Variants in TUBGCP3 observed in about 807,000 individuals in gnomAD.
TUBGCP3 encodes the protein tubulin gamma complex component 3, also known as gamma-tubulin complex component 3.
TUBGCP3 carries 50 observed loss-of-function variants against 123.1 expected under a neutral mutation model. The observed-to-expected ratio is 0.41, with a 90% confidence interval of 0.32 to 0.51. The LOEUF is 0.51. Ranked by LOEUF, TUBGCP3 falls within the 20% of genes least tolerant of loss-of-function variation. The pLI, the probability that TUBGCP3 is intolerant of heterozygous loss-of-function variation, is 0.36. For missense variants in TUBGCP3, 882 were observed against 1,127.0 expected, an observed-to-expected ratio of 0.78 and a Z score of 3.11; for synonymous variants, 405 against 413.9, an observed-to-expected ratio of 0.98 and a Z score of 0.26.
In TUBGCP3 at chr13:112,556,234, G is replaced by A. The variant is rs752650160; in HGVS notation, c.549-10C>T. On this transcript the variant is annotated splice_polypyrimidine_tract_variant and intron_variant, in intron 5 of 21. Coordinates refer to ENST00000261965, the MANE Select transcript of TUBGCP3 (RefSeq NM_006322.6). ...AGCTTGATTAGACTGTCTAAAAAAA[G>A]AAACATGTATTATCTTCTAATAGGC... 1 of 1,608,470 alleles carries A rather than the reference G, an allele frequency of 6.2e-7. No homozygotes were observed. Among genetic ancestry groups the A allele is most frequent in the South Asian group, 1.1e-5 (1 of 90,970 alleles).
upstream of TUBGCP3, among the ~76,000 whole-genome samples, chr13:112,588,689 A>G (rs1222270731): frequency 6.6e-6 from 1 of 152,176 alleles, no homozygotes; most frequent in African/African-American, 2.4e-5. Context: ...CTGCCGAGAA[A>G]AAGATCGATA....
In TUBGCP3 at chr13:112,587,950, C is replaced by T. The variant is rs761539018; in HGVS notation, c.31G>A (p.Val11Ile). The T allele has an allele frequency of 1.3e-6, 2 of 1,593,402 alleles. No homozygotes were observed. Among genetic ancestry groups the T allele is most frequent in the African/African-American group, 2.8e-5 (2 of 72,540 alleles). ...CTGCAGCACAGGTTCTGCAGCAGAA[C>T]GTTCGGCGACTTCTGGTCCGGGGTC... MATPDQKSPN[V>I]LLQNLCCRIL... Residue 11 changes from valine to isoleucine, a missense_variant, in exon 1 of 22, where the codon GTT becomes ATT. By Grantham distance (29) the Val-to-Ile change is conservative. This residue lies in a region of TUBGCP3 where 713 missense variants were observed against 874.0 expected (regional missense o/e 0.82). Coordinates refer to ENST00000261965, the MANE Select transcript of TUBGCP3 (RefSeq NM_006322.6).
At chr13:112,521,124 C>G (rs1876582083) in intron 14 of TUBGCP3, among the ~76,000 whole-genome samples, 1 of 152,192 alleles carries the variant, frequency 6.6e-6, no homozygotes, top group Non-Finnish European at 1.5e-5. Flanking sequence ...ACCAACTGAC[C>G]CACATACACA....
chr13:112,528,202 C>G (rs1877290299), intron 11 of TUBGCP3, among the ~76,000 whole-genome samples: 1 of 152,240 alleles, frequency 6.6e-6, no homozygotes, highest in Non-Finnish European at 1.5e-5. Context: ...TTTGCCACTA[C>G]AACAATGCAG....
intron 21 of TUBGCP3, among the ~76,000 whole-genome samples, chr13:112,488,432 G>A (rs1440938893): frequency 1.3e-5 from 2 of 152,190 alleles, no homozygotes; most frequent in South Asian, 2.1e-4. Flanking sequence ...CAGAGCAGCC[G>A]TCCCCAGCCT....
chr13:112,595,911 A>T, the TUBGCP3 span, among the ~76,000 whole-genome samples: 9 of 151,744 alleles, frequency 5.9e-5, no homozygotes, highest in African/African-American at 2.2e-4. Context: ...TATTTGAACA[A>T]TTTTTTTTAG....
At position 112,540,388 on chromosome 13, in the gene TUBGCP3, T is replaced by A. The variant is rs866014410; in HGVS notation, c.1335+5311A>T. Among the ~76,000 whole-genome samples, 217 of 136,896 alleles carry A rather than the reference T, an allele frequency of 1.6e-3. 1 individual carries two copies. The Middle Eastern group carries it at 0.025, about 16-fold the overall frequency. 89.8% of individuals were successfully genotyped at this position (136,896 alleles called of 152,430 possible). ...CTTGGGAAAGGATACCTGGGAGTGA[T>A]GACGTCAATGTAGTAGCCTATGAGC... On this transcript the variant is annotated intron_variant, in intron 11 of 21. Coordinates refer to ENST00000261965, the MANE Select transcript of TUBGCP3 (RefSeq NM_006322.6).
rs1362854669 is a variant in TUBGCP3 at position 112,486,002 on chromosome 13, G to C, written c.2715C>G (p.Ser905=). The change falls in exon 22 of 22, where the codon TCC becomes TCG. Residue 905 remains serine (S), a synonymous_variant. Coordinates refer to ENST00000261965, the MANE Select transcript of TUBGCP3 (RefSeq NM_006322.6). ...VSLGTRGRRS[S]HT ...GGGAGGACCGCGAGCTTCACGTGTG[G>C]GAGCTGCGCCGCCCCCTGGTACCCA... 1 of 1,599,566 alleles carries C rather than the reference G, an allele frequency of 6.3e-7. No individual in the cohort carries two copies. Among genetic ancestry groups the C allele is most frequent in the Admixed American group, 1.7e-5 (1 of 59,208 alleles).
Position 112,519,911 on chromosome 13 carries a change from C to T in TUBGCP3, c.1856G>A (p.Arg619Gln), listed in dbSNP as rs767141672. Reference sequence around the variant, plus strand: ...CTCCAGCAGCCGCACGTCCAGCCTTCGCAGGATCTCAGGACTGTCAAACTG... The same window carrying T: ...CTCCAGCAGCCGCACGTCCAGCCTTTGCAGGATCTCAGGACTGTCAAACTG... Reference protein sequence around the residue: ...NAQFDSPEILRRLDVRLLEVS... With the variant: ...NAQFDSPEILQRLDVRLLEVS... The change falls in exon 15 of 22, where the codon CGA becomes CAA. Residue 619 changes from arginine to glutamine, a missense_variant. By Grantham distance (43) the Arg-to-Gln change is conservative. Around this residue, in one of 3 missense-constraint regions of TUBGCP3, gnomAD observed 713 missense variants for 874.0 expected, o/e 0.82. Transcript: ENST00000261965. The surrounding 1 kb of genome is among the most constrained non-coding windows in gnomAD (Gnocchi z 6.2). 6.2e-6 allele frequency: 10 copies of T among 1,613,838 alleles called. No individual in the cohort carries two copies. Among genetic ancestry groups the T allele is most frequent in the South Asian group, 3.3e-5 (3 of 91,056 alleles).
At chr13:112,509,457 A>G (rs75830868) in intron 17 of TUBGCP3, among the ~76,000 whole-genome samples, 12,706 of 152,210 alleles carry the variant, frequency 0.083, 1,364 homozygotes, top group African/African-American at 0.24. Context: ...CCAGATCTTG[A>G]GTACTCAAAC....
At chr13:112,600,626 T>A in the TUBGCP3 span, among the ~76,000 whole-genome samples, 1 of 152,174 alleles carries the variant, frequency 6.6e-6, no homozygotes, top group African/African-American at 2.4e-5. Context: ...GTAGTGTTTC[T>A]TCTTATACTT....
At chr13:112,597,995 C>T in the TUBGCP3 span, among the ~76,000 whole-genome samples, 5 of 151,976 alleles carry the variant, frequency 3.3e-5, no homozygotes, top group South Asian at 2.1e-4. Flanking sequence ...AAAGCCATGC[C>T]GAGGCAAATG....
chr13:112,540,641 G>A (rs894508589), intron 11 of TUBGCP3, among the ~76,000 whole-genome samples: 385 of 131,264 alleles, frequency 2.9e-3, no homozygotes, highest in African/African-American at 6.0e-3. Context: ...GAATGAGGAC[G>A]TCAATGTAGT....
At chr13:112,495,565 G>A (rs1429805717) in intron 20 of TUBGCP3, among the ~76,000 whole-genome samples, 1 of 151,968 alleles carries the variant, frequency 6.6e-6, no homozygotes, top group Non-Finnish European at 1.5e-5. Context: ...ATCTTTATTA[G>A]AATGATAACA....
Position 112,565,173 on chromosome 13 carries a change from G to A in TUBGCP3, c.190C>T (p.Arg64Ter), listed in dbSNP as rs762243065. Residue 64 changes from arginine (R) to a stop codon, truncating the protein, a stop_gained, in exon 3 of 22, where the codon CGA becomes TGA. Coordinates refer to ENST00000261965, the MANE Select transcript of TUBGCP3 (RefSeq NM_006322.6). LOFTEE classifies it high-confidence loss of function. The part of the protein sequence containing the change: ...VAEKIKKELI[R>*]QRREADAALF... ...GCAGCATCTGCTTCTCTTCGTTGTCGAATAACTGAAAAGACAGAAAAAAAA... is the reference window on the plus strand; with the variant it reads ...GCAGCATCTGCTTCTCTTCGTTGTCAAATAACTGAAAAGACAGAAAAAAAA... The A allele has an allele frequency of 3.1e-6, 5 of 1,611,762 alleles. No individual in the cohort carries two copies. The highest frequency in any genetic ancestry group is 2.2e-5 in the East Asian group (1 of 44,810).
chr13:112,514,954 T>C (rs2139042767), intron 17 of TUBGCP3, among the ~76,000 whole-genome samples: 1 of 152,234 alleles, frequency 6.6e-6, no homozygotes, highest in East Asian at 1.9e-4. Flanking sequence ...CTATTAAAAA[T>C]GGTTCAGAAA....
intron 1 of TUBGCP3, among the ~76,000 whole-genome samples, chr13:112,587,621 C>T (rs980193475): frequency 3.3e-5 from 5 of 152,194 alleles, no homozygotes; most frequent in African/African-American, 1.2e-4. Flanking sequence ...GGCTCGGCTC[C>T]GCCCTCCCGC....
At chr13:112,486,889 G>A (rs1249207205) in intron 21 of TUBGCP3, among the ~76,000 whole-genome samples, 3 of 152,200 alleles carry the variant, frequency 2.0e-5, no homozygotes, top group African/African-American at 7.2e-5. Context: ...AACTCACTGA[G>A]GCACTGCGTC....
chr13:112,518,149 C>G (rs1250401178), intron 16 of TUBGCP3, among the ~76,000 whole-genome samples: 3 of 152,110 alleles, frequency 2.0e-5, no homozygotes, highest in African/African-American at 7.2e-5. Flanking sequence ...GACACACTTA[C>G]CAGTGGCAGG....
Sources: allele counts gnomAD v4.1 joint callset (sites outside exome capture counted in the v4.1 genomes callset), GRCh38; gene constraint gnomAD v4.1.1; regional missense constraint gnomAD v4.1.1; non-coding constraint Gnocchi (gnomAD v3.1); transcripts MANE v1.5; gene names NCBI Gene and HGNC (gene_info 2026-07-23, HGNC 2026-07-21).